The following GARIN2 variants were observed in gnomAD, a reference collection of about 807,000 sequenced individuals.
GARIN2 encodes the protein Golgi-associated RAB2 interactor protein 2.
the GARIN2 span, chr14:67,203,203 C>T: frequency 1.2e-6 from 2 of 1,613,936 alleles, no homozygotes; most frequent in South Asian, 2.2e-5. Flanking sequence ...ATGCTACTGG[C>T]CCATCTGACA....
the GARIN2 span, among the ~76,000 whole-genome samples, chr14:67,219,467 T>C: frequency 1.3e-5 from 2 of 152,212 alleles, no homozygotes; most frequent in African/African-American, 4.8e-5. Flanking sequence ...GCTTTGGTCC[T>C]TTCTTGTGGG....
At chr14:67,224,566 C>A in the GARIN2 span, 2 of 219,648 alleles carry the variant, frequency 9.1e-6, no homozygotes, top group Non-Finnish European at 1.8e-5. Flanking sequence ...GGCCCCATTT[C>A]TCTACTTTCT....
chr14:67,225,779 C>G, the GARIN2 span, among the ~76,000 whole-genome samples: 1 of 152,066 alleles, frequency 6.6e-6, no homozygotes, highest in Non-Finnish European at 1.5e-5. Context: ...TAAGTTTGTT[C>G]GAAACACCAG....
chr14:67,199,772 C>A, the GARIN2 span: 1 of 1,534,810 alleles, frequency 6.5e-7, no homozygotes, highest in Non-Finnish European at 8.9e-7. Context: ...ACCAGGCATG[C>A]CTCCTCCTGG....
At chr14:67,195,329 T>G in the GARIN2 span, among the ~76,000 whole-genome samples, 1 of 152,176 alleles carries the variant, frequency 6.6e-6, no homozygotes, top group Non-Finnish European at 1.5e-5. Context: ...CTCTGTGTCC[T>G]GAATCCACAG....
At chr14:67,203,069 GC>G in the GARIN2 span, 1 of 1,604,428 alleles carries the variant, frequency 6.2e-7, no homozygotes, top group Non-Finnish European at 8.5e-7. Flanking sequence ...ATCATATAAC[GC>G]CTTTTCCTGT....
chr14:67,199,319 A>C, the GARIN2 span: 1 of 1,612,338 alleles, frequency 6.2e-7, no homozygotes, highest in Non-Finnish European at 8.5e-7. Context: ...AATACGGGTG[A>C]ACAAGGCATC....
At chr14:67,214,916 C>G in the GARIN2 span, among the ~76,000 whole-genome samples, 27 of 152,004 alleles carry the variant, frequency 1.8e-4, no homozygotes, top group African/African-American at 6.0e-4. Flanking sequence ...GTATTTTATT[C>G]CCTTTGAAGC....
the GARIN2 span, among the ~76,000 whole-genome samples, chr14:67,217,322 A>G: frequency 6.6e-6 from 1 of 152,164 alleles, no homozygotes; most frequent in Non-Finnish European, 1.5e-5. Flanking sequence ...AGTTTCATGT[A>G]GGCAGCATAT....
At chr14:67,218,175 A>G in the GARIN2 span, among the ~76,000 whole-genome samples, 14 of 152,288 alleles carry the variant, frequency 9.2e-5, no homozygotes, top group African/African-American at 3.4e-4. Context: ...GGGTTGGCCA[A>G]CCTGAGGTCT....
chr14:67,227,825 A>G, the GARIN2 span: 1 of 152,212 alleles, frequency 6.6e-6, no homozygotes, highest in Non-Finnish European at 1.5e-5. Context: ...TCCTGAATGG[A>G]CAGGTTTTTC....
chr14:67,204,592 C>T, the GARIN2 span: 1 of 1,613,682 alleles, frequency 6.2e-7, no homozygotes, highest in Non-Finnish European at 8.5e-7. Context: ...GAACATGAGC[C>T]TGAAAGTAAA....
chr14:67,213,242 C>A, the GARIN2 span, among the ~76,000 whole-genome samples: 1 of 149,754 alleles, frequency 6.7e-6, no homozygotes, highest in Admixed American at 6.7e-5. Context: ...TATACATGTG[C>A]CATGCTGGTG....
At chr14:67,193,118 CTCTATATATCTCTATATAGACATCTA>C in the GARIN2 span, among the ~76,000 whole-genome samples, 5 of 138,314 alleles carry the variant, frequency 3.6e-5, no homozygotes, top group South Asian at 9.3e-4. Flanking sequence ...ATAGATATCT[CTCTATATATCTCTATATAGACATCTA>C]TCTATATATC....
chr14:67,219,566 T>C, the GARIN2 span, among the ~76,000 whole-genome samples: 3 of 152,192 alleles, frequency 2.0e-5, no homozygotes, highest in Admixed American at 6.5e-5. Flanking sequence ...AATAGCTTTT[T>C]AAAACATTAA....
chr14:67,215,999 T>C, the GARIN2 span, among the ~76,000 whole-genome samples: 1 of 152,298 alleles, frequency 6.6e-6, no homozygotes, highest in South Asian at 2.1e-4. Context: ...ATAAACTTTA[T>C]TTTTTGCGTG....
At chr14:67,207,487 A>G in the GARIN2 span, among the ~76,000 whole-genome samples, 1 of 152,122 alleles carries the variant, frequency 6.6e-6, no homozygotes, top group African/African-American at 2.4e-5. Flanking sequence ...CACTAGGCCC[A>G]CTTCCAACAT....
the GARIN2 span, chr14:67,198,824 C>T: frequency 1.8e-6 from 1 of 540,776 alleles, no homozygotes; most frequent in East Asian, 3.8e-5. Flanking sequence ...TAACTTTTCT[C>T]TAAACATTCA....
chr14:67,220,458 G>C, the GARIN2 span, among the ~76,000 whole-genome samples: 1 of 150,858 alleles, frequency 6.6e-6, no homozygotes, highest in Non-Finnish European at 1.5e-5. Context: ...AAAAAAAAAA[G>C]GTAAATGATG....
Sources: gnomAD v4.1 joint callset for allele counts (sites outside exome capture counted in the v4.1 genomes callset) on GRCh38, gnomAD v4.1.1 for gene constraint, MANE v1.5 for transcripts, NCBI Gene and HGNC (gene_info 2026-07-23, HGNC 2026-07-21) for gene names.